Variants in CCDC57 observed in about 807,000 individuals in gnomAD.
CCDC57 encodes the protein coiled-coil domain-containing protein 57.
A neutral mutation model predicts 118.9 loss-of-function variants in CCDC57; 118 were observed. The observed-to-expected ratio is 0.99, with a 90% CI of 0.86 to 1.16. The LOEUF (loss-of-function observed/expected upper bound fraction) is 1.16, where lower values mean the gene tolerates loss of function less well. CCDC57 is among the 50% of genes most tolerant of loss of function. The pLI is 0.00. For synonymous variants in CCDC57, 527 were observed against 532.9 expected (o/e 0.99, Z 0.15); for missense variants, 1,300 against 1,320.7 (o/e 0.98, Z 0.24).
chr17:82,199,011 A>C (rs766984938), intron 3 of CCDC57, among the ~76,000 whole-genome samples: 4 of 112,492 alleles, frequency 3.6e-5, no homozygotes, highest in Non-Finnish European at 7.3e-5. Flanking sequence ...AAAAAAAAAG[A>C]AAAAGGAAAA....
At chr17:82,104,172 C>G (rs964450609) in intron 19 of CCDC57, among the ~76,000 whole-genome samples, 2 of 152,268 alleles carry the variant, frequency 1.3e-5, no homozygotes, top group South Asian at 2.1e-4. Context: ...CCACCACTCT[C>G]TGCCCCGCCT....
At chr17:82,148,004 T>A (rs1366243261) in intron 16 of CCDC57, among the ~76,000 whole-genome samples, 1 of 82,040 alleles carries the variant, frequency 1.2e-5, no homozygotes, top group Non-Finnish European at 2.2e-5. Context: ...GGTGGATGGA[T>A]GGATGGATAG....
chr17:82,200,330 C>T (rs573527212), intron 3 of CCDC57, among the ~76,000 whole-genome samples: 5 of 152,326 alleles, frequency 3.3e-5, no homozygotes, highest in African/African-American at 9.6e-5. Flanking sequence ...ACGCACATTT[C>T]GGAGCAGTGT....
intron 1 of CCDC57, among the ~76,000 whole-genome samples, chr17:82,208,392 G>A (rs1004892884): frequency 6.6e-6 from 1 of 152,014 alleles, no homozygotes; most frequent in Non-Finnish European, 1.5e-5. Context: ...AAGTAGCTGG[G>A]ATTACAGGCG....
At chr17:82,168,444 C>T (rs8078795) in intron 13 of CCDC57, among the ~76,000 whole-genome samples, 70,904 of 151,956 alleles carry the variant, frequency 0.47, 17,344 homozygotes, top group East Asian at 0.88. Flanking sequence ...ACAATACAAA[C>T]GCCACCAGCT....
intron 19 of CCDC57, among the ~76,000 whole-genome samples, chr17:82,124,760 C>T (rs1179233751): frequency 6.6e-6 from 1 of 151,784 alleles, no homozygotes; most frequent in Non-Finnish European, 1.5e-5. Context: ...TGCCGCACTG[C>T]ACTCCAGCCT....
In CCDC57 at chr17:82,127,986, C is replaced by T. The variant is rs936586909; in HGVS notation, c.2683-78G>A. 9 of 1,551,430 alleles carry T rather than the reference C, an allele frequency of 5.8e-6. No individual in the cohort carries two copies. In the African/African-American group the frequency reaches 1.1e-4, roughly 19 times the overall value. ...CACAGGACTCCCCCCAACCACTCCCCTCGGAGCAGTAAGGCGACAGTGGGC... is the reference window on the plus strand; with the variant it reads ...CACAGGACTCCCCCCAACCACTCCCTTCGGAGCAGTAAGGCGACAGTGGGC... On this transcript the variant is annotated intron_variant, in intron 18 of 19. Transcript: ENST00000665763.
At chr17:82,113,841 G>A in intron 19 of CCDC57, 1 of 594,664 alleles carries the variant, frequency 1.7e-6, no homozygotes, top group Non-Finnish European at 3.0e-6. Flanking sequence ...AGCTACTCAG[G>A]AGACAAAGGC....
intron 13 of CCDC57, among the ~76,000 whole-genome samples, chr17:82,166,673 T>A (rs2044025552): frequency 6.7e-6 from 1 of 150,362 alleles, no homozygotes; most frequent in Non-Finnish European, 1.5e-5. Flanking sequence ...TTTGGGAGGC[T>A]GAGGCAGGAG....
chr17:82,151,771 G>A, exon 16 of CCDC57: 5 of 1,549,412 alleles, frequency 3.2e-6, no homozygotes, highest in Non-Finnish European at 4.4e-6. Flanking sequence ...TCTTGGTGAG[G>A]CCCTGTAACA....
chr17:82,170,726 C>T (rs2044595295), intron 13 of CCDC57, among the ~76,000 whole-genome samples: 1 of 152,176 alleles, frequency 6.6e-6, no homozygotes, highest in South Asian at 2.1e-4. Context: ...GTTTAAGCCA[C>T]TCAGGCTGTG....
At chr17:82,124,257 T>C (rs2145176668) in intron 19 of CCDC57, among the ~76,000 whole-genome samples, 1 of 152,314 alleles carries the variant, frequency 6.6e-6, no homozygotes, top group East Asian at 1.9e-4. Flanking sequence ...TCCCTGACCT[T>C]GTTCCGTTCC....
At chr17:82,148,291 A>C (rs1369054906) in intron 16 of CCDC57, among the ~76,000 whole-genome samples, 2 of 111,526 alleles carry the variant, frequency 1.8e-5, no homozygotes, top group Non-Finnish European at 3.7e-5. Context: ...GTGGATGGAT[A>C]CATGGATGGG....
At chr17:82,119,101 GGTGGGGGTGGGA>G (rs1204705220) in intron 19 of CCDC57, among the ~76,000 whole-genome samples, 2 of 65,228 alleles carry the variant, frequency 3.1e-5, no homozygotes, top group Non-Finnish European at 5.8e-5. Flanking sequence ...TGGGGGCGGG[GGTGGGGGTGGGA>G]GTGGGGGCAG....
intron 17 of CCDC57, among the ~76,000 whole-genome samples, chr17:82,133,469 T>G (rs942979585): frequency 1.3e-4 from 19 of 147,270 alleles, no homozygotes; most frequent in East Asian, 3.9e-4. Context: ...AAGTTTTTGG[T>G]TTTTTTTTCA....
Position 82,171,690 on chromosome 17 carries a change from C to G in CCDC57, c.1882+11G>C, listed in dbSNP as rs561734939. On this transcript the variant is annotated intron_variant, in intron 13 of 19. Coordinates refer to ENST00000665763, the Ensembl canonical transcript of CCDC57. ...GGGGACAGCAAGTACCCCACTGAGA[C>G]GCGGACTTACCAGTCGTCTCTGTCG... 6 of 1,607,454 alleles carry G rather than the reference C, an allele frequency of 3.7e-6. No homozygotes were observed. The Admixed American group carries it at 6.7e-5, about 18-fold the overall frequency.
intron 11 of CCDC57, among the ~76,000 whole-genome samples, chr17:82,175,942 G>C (rs1214163735): frequency 6.6e-6 from 1 of 152,200 alleles, no homozygotes; most frequent in Non-Finnish European, 1.5e-5. Context: ...CGAGGTCTGG[G>C]AGCATCCCCT....
chr17:82,139,006 G>A (rs927587120), intron 16 of CCDC57, among the ~76,000 whole-genome samples: 73 of 152,204 alleles, frequency 4.8e-4, no homozygotes, highest in African/African-American at 1.6e-3. Context: ...CTAGGCAGAC[G>A]GCCACCGCCT....
chr17:82,210,520 A>C (rs1235308658), intron 1 of CCDC57, among the ~76,000 whole-genome samples: 2 of 150,606 alleles, frequency 1.3e-5, no homozygotes, highest in African/African-American at 4.9e-5. Flanking sequence ...AAAAATACAA[A>C]AAAAAAAAAA....
Sources: allele counts gnomAD v4.1 joint callset (sites outside exome capture counted in the v4.1 genomes callset), GRCh38; gene constraint gnomAD v4.1.1; transcripts MANE v1.5; gene names NCBI Gene and HGNC (gene_info 2026-07-23, HGNC 2026-07-21).